Variants in ST7 observed in about 807,000 individuals in gnomAD.
ST7 encodes suppressor of tumorigenicity 7 protein.
ST7 carries 28 observed loss-of-function variants against 78.7 expected under a neutral mutation model. The observed-to-expected ratio is 0.36, with a 90% CI of 0.26 to 0.49. The LOEUF is 0.49. Among genes scored for constraint, ST7 ranks in the 20% least tolerant of loss-of-function variants. The probability of loss-of-function intolerance (pLI) is 0.99; values close to 1 mark genes in which losing one functional copy is unlikely to be tolerated. For missense variants in ST7, 418 were observed against 696.0 expected, an observed-to-expected ratio of 0.60 and a Z score of 4.49; for synonymous variants, 247 against 249.6, an observed-to-expected ratio of 0.99 and a Z score of 0.10.
chr7:117,085,613 T>C (rs1269597280), intron 1 of ST7, among the ~76,000 whole-genome samples: 2 of 152,230 alleles, frequency 1.3e-5, no homozygotes, highest in East Asian at 3.8e-4. Flanking sequence ...TATCAAGTAC[T>C]CTCAAAGTGT....
rs373598650 is a variant in ST7 at position 117,097,880 on chromosome 7, CTATA to C, written c.152-1856_152-1853del. The stretch of plus-strand genomic sequence containing the variant: ...CACTATATATATATATGACATATCA[CTATA>C]TATATATATATATATATATATATAT... On this transcript the variant is annotated intron_variant, in intron 1 of 15. Transcript: ENST00000323984. Among the ~76,000 whole-genome samples, 99 of 10,568 alleles carry C rather than the reference CTATA, an allele frequency of 9.4e-3. 3 individuals carry two copies. The highest frequency in any genetic ancestry group is 0.018 in the African/African-American group (86 of 4,794). The allele number at this position is 10,568 out of a possible 152,430, so 6.9% of individuals were successfully genotyped here. A position where few individuals can be genotyped will look rare whatever the true frequency, so the allele number is the denominator to read the frequency against.
chr7:117,101,002 A>G (rs1342415850), intron 2 of ST7, among the ~76,000 whole-genome samples: 4 of 152,222 alleles, frequency 2.6e-5, no homozygotes, highest in African/African-American at 4.8e-5. Context: ...AGCAAAGAGC[A>G]TAAATGGACC....
chr7:117,208,902 GGTGTGTGT>G (rs58017025), intron 12 of ST7, among the ~76,000 whole-genome samples: 72,243 of 139,712 alleles, frequency 0.52, 19,366 homozygotes, highest in East Asian at 0.82. Flanking sequence ...TGTATGTGTG[GGTGTGTGT>G]GTGTGTGTGT....
intron 9 of ST7, among the ~76,000 whole-genome samples, chr7:117,166,979 A>G (rs1381838545): frequency 6.6e-6 from 1 of 151,666 alleles, no homozygotes; most frequent in Non-Finnish European, 1.5e-5. Context: ...ATGCTGTGTG[A>G]GCAATTTAGG....
intron 1 of ST7, among the ~76,000 whole-genome samples, chr7:117,060,879 G>A (rs893352761): frequency 5.3e-5 from 8 of 152,062 alleles, no homozygotes; most frequent in Admixed American, 3.9e-4. Context: ...GGTGGCGGGC[G>A]CCTGTAATCC....
In ST7 at chr7:117,020,856, G is replaced by A. The variant is rs75696377; in HGVS notation, c.151+67165G>A. ...AAACCAGGCCTGTAAGAGGGAGGTA[G>A]GAAAACCAGAATCCATACAGCCACC... is the stretch of plus-strand genomic sequence containing the variant. On this transcript the variant is annotated intron_variant, in intron 1 of 15. Transcript: ENST00000323984. Among the ~76,000 whole-genome samples, 1,313 of 152,270 alleles carry A rather than the reference G, an allele frequency of 8.6e-3. 54 individuals carry two copies. Among genetic ancestry groups the A allele is most frequent in the East Asian group, 0.08 (414 of 5,182 alleles).
intron 1 of ST7, among the ~76,000 whole-genome samples, chr7:117,037,106 G>A (rs1354235980): frequency 6.6e-6 from 1 of 152,132 alleles, no homozygotes; most frequent in Admixed American, 6.6e-5. Context: ...TGGACAACCG[G>A]AGCAGTTGCC....
intron 1 of ST7, chr7:117,098,952 G>T: frequency 2.9e-6 from 2 of 689,062 alleles, no homozygotes; most frequent in Non-Finnish European, 4.2e-6. Context: ...CTGAATAGTG[G>T]GTATGAACAG....
chr7:117,088,185 T>G (rs573612797), intron 1 of ST7, among the ~76,000 whole-genome samples: 14 of 152,324 alleles, frequency 9.2e-5, no homozygotes, highest in African/African-American at 3.1e-4. Context: ...ATCCCATTCA[T>G]TAACCTTCTC....
intron 1 of ST7, among the ~76,000 whole-genome samples, chr7:116,964,805 C>T (rs1184529023): frequency 6.6e-6 from 1 of 152,138 alleles, no homozygotes; most frequent in Non-Finnish European, 1.5e-5. Context: ...CCCAATCGTT[C>T]TTTCCCCAAA....
At chr7:117,015,083 T>C in intron 1 of ST7, 1 of 792,118 alleles carries the variant, frequency 1.3e-6, no homozygotes, top group Non-Finnish European at 1.8e-6. Context: ...TGAATTTATA[T>C]TTTAAAAACT....
At chr7:117,105,632 C>A (rs1465705213) in intron 2 of ST7, among the ~76,000 whole-genome samples, 2 of 152,080 alleles carry the variant, frequency 1.3e-5, no homozygotes, top group African/African-American at 2.4e-5. Context: ...TAAATAAGAT[C>A]TAATGTTTGA....
At chr7:117,172,840 TC>T (rs1257795058) in intron 10 of ST7, among the ~76,000 whole-genome samples, 1 of 152,228 alleles carries the variant, frequency 6.6e-6, no homozygotes, top group Non-Finnish European at 1.5e-5. Context: ...AAAACTTTAA[TC>T]AGTAGAGCCT....
At chr7:117,100,439 A>G (rs1006458107) in intron 2 of ST7, among the ~76,000 whole-genome samples, 1 of 152,110 alleles carries the variant, frequency 6.6e-6, no homozygotes, top group East Asian at 1.9e-4. Context: ...GCGCCATTGC[A>G]CTCCAGCCTG....
At chr7:117,160,307 G>A (rs565368478) in intron 9 of ST7, among the ~76,000 whole-genome samples, 10 of 151,692 alleles carry the variant, frequency 6.6e-5, no homozygotes, top group African/African-American at 2.4e-4. Context: ...CTTTGAAAAT[G>A]TACTATATCT....
intron 1 of ST7, among the ~76,000 whole-genome samples, chr7:116,976,700 A>T (rs566921309): frequency 6.6e-6 from 1 of 152,336 alleles, no homozygotes; most frequent in South Asian, 2.1e-4. Context: ...CTGCAAAGTT[A>T]TCTGGCAATG....
At chr7:117,020,048 G>A (rs1353325488) in intron 1 of ST7, 2 of 152,246 alleles carry the variant, frequency 1.3e-5, no homozygotes, top group African/African-American at 4.8e-5. Flanking sequence ...GAAGAGCTGC[G>A]CAGGAGGGGA....
intron 1 of ST7, among the ~76,000 whole-genome samples, chr7:117,066,178 C>T (rs745748867): frequency 6.6e-6 from 1 of 152,174 alleles, no homozygotes; most frequent in Non-Finnish European, 1.5e-5. Context: ...TTAGCAAGCC[C>T]TTCCAGTGTG....
At chr7:117,081,141 A>G (rs1799742301) in intron 1 of ST7, 1 of 152,152 alleles carries the variant, frequency 6.6e-6, no homozygotes, top group African/African-American at 2.4e-5. Flanking sequence ...TAACTTGAAA[A>G]TATAAAAGGG....
Sources: gnomAD v4.1 joint callset for allele counts (sites outside exome capture counted in the v4.1 genomes callset) on GRCh38, gnomAD v4.1.1 for gene constraint, MANE v1.5 for transcripts, NCBI Gene and HGNC (gene_info 2026-07-23, HGNC 2026-07-21) for gene names.